SLC35F1: variants seen among roughly 807,000 people sequenced by gnomAD.
SLC35F1 encodes chromosome 6 open reading frame 169.
Under a neutral mutation model 48.7 loss-of-function variants are expected in SLC35F1, and 14 were observed. That is an observed-to-expected ratio of 0.29 (90% CI 0.19 to 0.45). The LOEUF is 0.45. Among genes scored for constraint, SLC35F1 ranks in the 20% least tolerant of loss-of-function variants. The pLI is 1.00. For missense variants in SLC35F1, 404 were observed against 500.0 expected, an observed-to-expected ratio of 0.81 and a Z score of 1.83; for synonymous variants, 190 against 202.2, an observed-to-expected ratio of 0.94 and a Z score of 0.51.
intron 2 of SLC35F1, among the ~76,000 whole-genome samples, chr6:118,191,479 C>T (rs190849664): frequency 6.6e-6 from 1 of 152,262 alleles, no homozygotes; most frequent in Non-Finnish European, 1.5e-5. Context: ...TACCATCTCC[C>T]TGGTTAGCTT....
intron 1 of SLC35F1, among the ~76,000 whole-genome samples, chr6:117,917,024 A>G (rs1049277180): frequency 2.0e-5 from 3 of 152,224 alleles, no homozygotes; most frequent in African/African-American, 7.2e-5. Flanking sequence ...AACAGTGGCA[A>G]ATAATATGCA....
intron 1 of SLC35F1, among the ~76,000 whole-genome samples, chr6:118,048,444 G>C (rs1280079359): frequency 1.3e-5 from 2 of 152,150 alleles, no homozygotes; most frequent in Non-Finnish European, 2.9e-5. Flanking sequence ...CAGATGACAT[G>C]ATTGTATATT....
At chr6:117,995,870 A>C (rs1776980432) in intron 1 of SLC35F1, among the ~76,000 whole-genome samples, 1 of 152,258 alleles carries the variant, frequency 6.6e-6, no homozygotes, top group Non-Finnish European at 1.5e-5. Context: ...GGTATCGTAA[A>C]TCATCATAGT....
intron 2 of SLC35F1, among the ~76,000 whole-genome samples, chr6:118,159,220 CAAAAAAAAAAAAAAA>C (rs60060945): frequency 5.2e-4 from 23 of 43,852 alleles, no homozygotes; most frequent in Non-Finnish European, 5.7e-4. Context: ...GACTCTGTCT[CAAAAAAAAAAAAAAA>C]AAAAAAAAAA....
intron 1 of SLC35F1, among the ~76,000 whole-genome samples, chr6:118,056,522 A>C (rs1772466024): frequency 6.6e-6 from 1 of 152,188 alleles, no homozygotes; most frequent in Admixed American, 6.5e-5. Flanking sequence ...TAGTGCTTTG[A>C]AACTATAAAT....
chr6:118,302,189 T>C (rs1776260625), intron 7 of SLC35F1, among the ~76,000 whole-genome samples: 1 of 152,160 alleles, frequency 6.6e-6, no homozygotes, highest in South Asian at 2.1e-4. Context: ...TGGTTTTCAC[T>C]ACTTACGAGG....
chr6:118,206,291 C>G (rs1239167010), intron 2 of SLC35F1, among the ~76,000 whole-genome samples: 1 of 152,084 alleles, frequency 6.6e-6, no homozygotes, highest in Non-Finnish European at 1.5e-5. Context: ...AACTTTTTCC[C>G]TCTTATTAGT....
chr6:118,285,592 C>T (rs145186029), intron 7 of SLC35F1, among the ~76,000 whole-genome samples: 2 of 152,204 alleles, frequency 1.3e-5, no homozygotes, highest in Non-Finnish European at 2.9e-5. Flanking sequence ...CTTTTGAATA[C>T]TGGGGACAGC....
intron 2 of SLC35F1, among the ~76,000 whole-genome samples, chr6:118,156,347 A>T (rs1173598088): frequency 6.6e-6 from 1 of 151,520 alleles, no homozygotes; most frequent in Non-Finnish European, 1.5e-5. Context: ...CATGTGCCCA[A>T]GGTGGTCGGG....
intron 1 of SLC35F1, among the ~76,000 whole-genome samples, chr6:118,073,182 G>C (rs561866149): frequency 5.7e-4 from 87 of 152,276 alleles, no homozygotes; most frequent in African/African-American, 2.0e-3. Context: ...CTGTGAAAGA[G>C]TCAAATCCTT....
Position 118,272,521 on chromosome 6 carries a change from T to C in SLC35F1, c.638-2938T>C, listed in dbSNP as rs1239118158. On this transcript the variant is annotated intron_variant, in intron 4 of 7. Coordinates refer to ENST00000360388, the MANE Select transcript of SLC35F1 (RefSeq NM_001029858.4). Reference sequence around the variant, plus strand: ...TCTACTGCATTAGCTGTGCATAAACTATGTTAATATTTTATATGTTATTAA... The same window carrying C: ...TCTACTGCATTAGCTGTGCATAAACCATGTTAATATTTTATATGTTATTAA... Among the ~76,000 whole-genome samples, 4 of 152,102 alleles carry C rather than the reference T, an allele frequency of 2.6e-5. No individual in the cohort carries two copies. In the East Asian group the frequency reaches 7.7e-4, roughly 29 times the overall value.
In SLC35F1 at chr6:117,926,133, C is replaced by G. The variant is rs556988169; in HGVS notation, c.173+18234C>G. ...CAAATCTCACCTTGAATTGTAATCC[C>G]TATAATCCCCACTTGTCAAGGGTGG... On this transcript the variant is annotated intron_variant, in intron 1 of 7. Transcript: ENST00000360388. Among the ~76,000 whole-genome samples, 13 of 152,184 alleles carry G rather than the reference C, an allele frequency of 8.5e-5. No individual in the cohort carries two copies. In the East Asian group the frequency reaches 2.5e-3, roughly 29 times the overall value.
chr6:118,060,807 G>T (rs1772526072), intron 1 of SLC35F1, among the ~76,000 whole-genome samples: 1 of 152,194 alleles, frequency 6.6e-6, no homozygotes, highest in African/African-American at 2.4e-5. Context: ...AGACAGGGCT[G>T]CTCTTTTACA....
chr6:118,109,468 A>T (rs543926732), intron 1 of SLC35F1, among the ~76,000 whole-genome samples: 3 of 152,308 alleles, frequency 2.0e-5, no homozygotes, highest in Non-Finnish European at 2.9e-5. Context: ...CATAAACTTC[A>T]GCTGATAACT....
At chr6:118,027,498 G>C (rs62431180) in intron 1 of SLC35F1, among the ~76,000 whole-genome samples, 8,732 of 152,064 alleles carry the variant, frequency 0.057, 480 homozygotes, top group African/African-American at 0.14. Flanking sequence ...GGCTTGTAAT[G>C]GTATCTCACT....
At chr6:117,939,781 A>G (rs773045186) in intron 1 of SLC35F1, among the ~76,000 whole-genome samples, 3 of 152,130 alleles carry the variant, frequency 2.0e-5, no homozygotes, top group Non-Finnish European at 4.4e-5. Context: ...TTAAATTAGG[A>G]GAGTTCTCCT....
At chr6:117,926,505 TG>T (rs1776030563) in intron 1 of SLC35F1, among the ~76,000 whole-genome samples, 1 of 152,022 alleles carries the variant, frequency 6.6e-6, no homozygotes, top group Non-Finnish European at 1.5e-5. Flanking sequence ...GGAGTGTGTG[TG>T]TGTGTTTGTG....
At chr6:117,998,938 T>G in intron 1 of SLC35F1, 1 of 813,986 alleles carries the variant, frequency 1.2e-6, no homozygotes, top group South Asian at 1.3e-5. Flanking sequence ...CTCTTCCGGT[T>G]CTAGGCACTT....
chr6:117,933,439 C>A (rs1776125983), intron 1 of SLC35F1, among the ~76,000 whole-genome samples: 1 of 152,154 alleles, frequency 6.6e-6, no homozygotes, highest in Non-Finnish European at 1.5e-5. Context: ...CACAATATTT[C>A]TGAGTAAACA....
Sources: allele counts gnomAD v4.1 joint callset (sites outside exome capture counted in the v4.1 genomes callset), GRCh38; gene constraint gnomAD v4.1.1; transcripts MANE v1.5; gene names NCBI Gene and HGNC (gene_info 2026-07-23, HGNC 2026-07-21).